The following CMC1 variants were observed in gnomAD, a reference collection of about 807,000 sequenced individuals.
CMC1 encodes the protein COX assembly mitochondrial protein homolog.
Under a neutral mutation model 14.1 loss-of-function variants are expected in CMC1, and 14 were observed. The ratio of observed to expected loss-of-function variants is 0.99; its 90% CI spans 0.66 to 1.55. The LOEUF (loss-of-function observed/expected upper bound fraction) is 1.55. Among genes scored for constraint, CMC1 ranks in the 40% most tolerant of loss-of-function variants. CMC1 has a pLI of 0.00. For synonymous variants in CMC1, 50 were observed against 38.4 expected, an observed-to-expected ratio of 1.30 and a Z score of -1.12; for missense variants, 127 against 123.8, an observed-to-expected ratio of 1.03 and a Z score of -0.12.
intron 2 of CMC1, among the ~76,000 whole-genome samples, chr3:28,289,510 C>G (rs1287147329): frequency 6.6e-6 from 1 of 151,964 alleles, no homozygotes; most frequent in Non-Finnish European, 1.5e-5. Context: ...TATTTTGGTG[C>G]TCCTTGAAAG....
chr3:28,324,171 T>A lies in CMC1; in HGVS notation c.*4542T>A. 5 of 1,610,726 alleles carry A rather than the reference T, an allele frequency of 3.1e-6. No homozygotes were observed. Among genetic ancestry groups the A allele is most frequent in the Non-Finnish European group, 4.2e-6 (5 of 1,177,636 alleles). On this transcript the variant is annotated 3_prime_UTR_variant, in exon 4 of 4. Transcript: ENST00000466830. ...CACTTGATTTAGGAGGACTTGGAAA[T>A]ACCCAGGAATTGTCTTCCAGAGAAT...
intron 1 of CMC1, among the ~76,000 whole-genome samples, chr3:28,244,887 G>GTTTTT (rs34300975): frequency 1.4e-5 from 2 of 142,868 alleles, no homozygotes; most frequent in African/African-American, 5.1e-5. Context: ...AAGTAGGAAG[G>GTTTTT]TTTTTTTTTT....
chr3:28,277,125 T>G, intron 2 of CMC1, among the ~76,000 whole-genome samples: 1 of 152,192 alleles, frequency 6.6e-6, no homozygotes, highest in East Asian at 1.9e-4. Context: ...ATCCTATAAA[T>G]CAGCAGTTTT....
intron 2 of CMC1, among the ~76,000 whole-genome samples, chr3:28,267,665 AAG>A (rs1700076071): frequency 6.6e-6 from 1 of 152,236 alleles, no homozygotes; most frequent in Admixed American, 6.5e-5. Flanking sequence ...GTAAATAACA[AAG>A]AAGCTTGATA....
Position 28,319,353 on chromosome 3 carries a change from A to G in CMC1, c.201-156A>G, listed in dbSNP as rs1277296956. On this transcript the variant is annotated intron_variant, in intron 3 of 3. Coordinates refer to ENST00000466830, the MANE Select transcript of CMC1 (RefSeq NM_182523.2). ...ATGATTTGGTCTTTAGTTTGGTAGC[A>G]TAAAGTTAACAGTGAATTTTTAACC... 6 of 723,282 alleles carry G rather than the reference A, an allele frequency of 8.3e-6. No individual in the cohort carries two copies. The South Asian group carries it at 8.7e-5, about 10-fold the overall frequency. 44.8% of individuals were successfully genotyped at this position (723,282 alleles called of 1,614,324 possible).
At chr3:28,314,034 A>G (rs909816406) in intron 2 of CMC1, among the ~76,000 whole-genome samples, 9 of 152,202 alleles carry the variant, frequency 5.9e-5, no homozygotes, top group African/African-American at 1.7e-4. Context: ...AAGGTGGTGC[A>G]GGGGAATCCA....
chr3:28,266,845 T>C (rs1245794450), intron 2 of CMC1, among the ~76,000 whole-genome samples: 1 of 152,182 alleles, frequency 6.6e-6, no homozygotes, highest in East Asian at 1.9e-4. Context: ...ATATTGTTGG[T>C]GGTGAATAAA....
chr3:28,287,639 C>G (rs1368378753), intron 2 of CMC1, among the ~76,000 whole-genome samples: 1 of 151,906 alleles, frequency 6.6e-6, no homozygotes, highest in African/African-American at 2.4e-5. Context: ...TTAATATATG[C>G]TCTTTTATTC....
At chr3:28,256,641 G>T (rs969255389) in intron 1 of CMC1, among the ~76,000 whole-genome samples, 2 of 152,132 alleles carry the variant, frequency 1.3e-5, no homozygotes, top group Non-Finnish European at 2.9e-5. Flanking sequence ...GGAGAGGAAG[G>T]TCCCTAATTT....
chr3:28,250,263 C>T (rs1323812648), intron 1 of CMC1, among the ~76,000 whole-genome samples: 1 of 152,084 alleles, frequency 6.6e-6, no homozygotes, highest in East Asian at 1.9e-4. Context: ...CGAGTGCAGG[C>T]AAAATCTTGG....
At chr3:28,314,610 C>T (rs1335017450) in intron 2 of CMC1, among the ~76,000 whole-genome samples, 1 of 152,202 alleles carries the variant, frequency 6.6e-6, no homozygotes, top group African/African-American at 2.4e-5. Context: ...TCACTCACTT[C>T]ATGTGATCAC....
At chr3:28,255,210 A>T (rs1054084305) in intron 1 of CMC1, among the ~76,000 whole-genome samples, 2 of 149,436 alleles carry the variant, frequency 1.3e-5, no homozygotes, top group African/African-American at 4.9e-5. Context: ...CCATGCTTCC[A>T]GTTCCTTCTC....
chr3:28,316,532 TATC>T (rs1702934802), intron 3 of CMC1, 109 bp downstream of exon 3: 1 of 473,066 alleles, frequency 2.1e-6, no homozygotes, highest in Non-Finnish European at 3.6e-6. Flanking sequence ...ATACCAAATT[TATC>T]ATATTGTTGG....
At chr3:28,250,046 T>A (rs1402348508) in intron 1 of CMC1, among the ~76,000 whole-genome samples, 1 of 152,156 alleles carries the variant, frequency 6.6e-6, no homozygotes, top group Non-Finnish European at 1.5e-5. Context: ...AATTAAGGCC[T>A]CACCTTTATG....
chr3:28,257,941 G>A (rs899890363), intron 1 of CMC1, among the ~76,000 whole-genome samples: 1 of 151,868 alleles, frequency 6.6e-6, no homozygotes, highest in Non-Finnish European at 1.5e-5. Context: ...AGTTGCAGAT[G>A]CTTCACATTC....
chr3:28,259,243 C>T (rs1010773264), intron 1 of CMC1, among the ~76,000 whole-genome samples: 1 of 151,796 alleles, frequency 6.6e-6, no homozygotes, highest in Non-Finnish European at 1.5e-5. Context: ...CTTACATAAC[C>T]ATGATATGTA....
At chr3:28,309,796 C>T (rs1231980481) in intron 2 of CMC1, among the ~76,000 whole-genome samples, 1 of 150,586 alleles carries the variant, frequency 6.6e-6, no homozygotes. Context: ...TTGGTACATG[C>T]CTTTTCTCCT....
chr3:28,279,380 C>G (rs965436544), intron 2 of CMC1, among the ~76,000 whole-genome samples: 1 of 152,014 alleles, frequency 6.6e-6, no homozygotes, highest in African/African-American at 2.4e-5. Context: ...AAAACAGAAC[C>G]CAAACTTTCT....
intron 1 of CMC1, among the ~76,000 whole-genome samples, chr3:28,245,850 C>T (rs1698797781): frequency 6.6e-6 from 1 of 152,136 alleles, no homozygotes; most frequent in Admixed American, 6.5e-5. Context: ...CTTACATTTA[C>T]TAGAAAATTT....
Sources: allele counts gnomAD v4.1 joint callset (sites outside exome capture counted in the v4.1 genomes callset), GRCh38; gene constraint gnomAD v4.1.1; transcripts MANE v1.5; gene names NCBI Gene and HGNC (gene_info 2026-07-23, HGNC 2026-07-21).